Variants in COL17A1 observed in about 807,000 individuals in gnomAD.
COL17A1 encodes the protein collagen type XVII alpha 1 chain.
In COL17A1, 181 loss-of-function variants were observed where a neutral mutation model predicts 218.4. The ratio of observed to expected loss-of-function variants is 0.83; its 90% CI spans 0.73 to 0.94. The LOEUF is 0.94. Among genes scored for constraint, COL17A1 ranks in the 40% least tolerant of loss-of-function variants. COL17A1 has a pLI of 0.00. For synonymous variants in COL17A1, 721 were observed against 731.0 expected (o/e 0.99, Z 0.22); for missense variants, 1,924 against 1,945.9 (o/e 0.99, Z 0.21).
At chr10:104,047,976 T>C in intron 30 of COL17A1, 93 bp downstream of exon 30, 1 of 1,491,198 alleles carries the variant, frequency 6.7e-7, no homozygotes. Context: ...TGCTATATGC[T>C]CCTCTGCACT....
At chr10:104,080,006 A>G (rs1429475676) in intron 2 of COL17A1, among the ~76,000 whole-genome samples, 1 of 151,930 alleles carries the variant, frequency 6.6e-6, no homozygotes, top group Non-Finnish European at 1.5e-5. Flanking sequence ...CTTTCATTGT[A>G]TAGAACCTCT....
At chr10:104,038,644 G>A (rs1198017879) in intron 44 of COL17A1, 116 bp from the exon 45 acceptor site, 21 of 1,338,288 alleles carry the variant, frequency 1.6e-5, no homozygotes, top group Non-Finnish European at 2.2e-5. Flanking sequence ...GGAGAAATAG[G>A]ATAGTGGCAA....
rs2086582358 is a variant in COL17A1 at position 104,061,471 on chromosome 10, A to G, written c.913T>C (p.Tyr305His). The change falls in exon 13 of 56, where the codon TAT (tyrosine) becomes CAT (histidine). Residue 305 changes from tyrosine to histidine, a missense_variant and splice_region_variant. Transcript: ENST00000648076. ...SHGTTTTSTA[Y>H]GVKKNMPQSP... ...TGGGGCATGTTTTTCTTCACCCCAT[A>G]TGCTGCAAGAAAGGAAGCTGGGTCA... is the stretch of plus-strand genomic sequence containing the variant. 2.5e-6 allele frequency: 4 copies of G among 1,613,204 alleles called. No individual in the cohort carries two copies. Among genetic ancestry groups the G allele is most frequent in the Middle Eastern group, 1.7e-4 (1 of 5,970 alleles).
chr10:104,064,603 A>G lies in COL17A1; in HGVS notation c.608-7T>C. On this transcript the variant is annotated splice_polypyrimidine_tract_variant and splice_region_variant and intron_variant, in intron 9 of 55. Transcript: ENST00000648076. ...GCATCGTAGGTGCCTGACACTGGAA[A>G]CAGACACATGCACACACCCCAGTGA... 1 of 1,610,898 alleles carries G rather than the reference A, an allele frequency of 6.2e-7. No individual in the cohort carries two copies. The highest frequency in any genetic ancestry group is 1.1e-5 in the South Asian group (1 of 90,436).
At chr10:104,075,715 G>A (rs1283472230) in intron 5 of COL17A1, among the ~76,000 whole-genome samples, 1 of 152,190 alleles carries the variant, frequency 6.6e-6, no homozygotes, top group Admixed American at 6.5e-5. Context: ...CTGAATCTGA[G>A]TCCCTCAAAC....
chr10:104,061,620 A>G, intron 12 of COL17A1, 147 bp from the exon 13 acceptor site: 1 of 708,502 alleles, frequency 1.4e-6, no homozygotes, highest in South Asian at 1.6e-5. Context: ...GGGGACAGTA[A>G]TGAGGGTTTA....
chr10:104,035,385 A>G lies in COL17A1; in HGVS notation c.3509-12T>C. 1 of 1,613,794 alleles carries G rather than the reference A, an allele frequency of 6.2e-7. No individual in the cohort carries two copies. Among genetic ancestry groups the G allele is most frequent in the Non-Finnish European group, 8.5e-7 (1 of 1,179,758 alleles). On this transcript the variant is annotated splice_polypyrimidine_tract_variant and intron_variant, in intron 49 of 55. Transcript: ENST00000648076. ...TCTGAATTCAGACCCTGAGACACCA[A>G]GGGAGGGCACGGAGTCAGTCCTGGC... is the stretch of plus-strand genomic sequence containing the variant.
intron 9 of COL17A1, among the ~76,000 whole-genome samples, chr10:104,069,588 C>T (rs1388393214): frequency 6.6e-6 from 1 of 152,182 alleles, no homozygotes; most frequent in Non-Finnish European, 1.5e-5. Context: ...TGTCCCCTTA[C>T]AAGTTATGAT....
At chr10:104,044,265 G>C (rs1226076631) in intron 33 of COL17A1, among the ~76,000 whole-genome samples, 1 of 152,224 alleles carries the variant, frequency 6.6e-6, no homozygotes, top group Non-Finnish European at 1.5e-5. Flanking sequence ...GGGATTCCTA[G>C]AGTGCTCTGT....
At position 104,064,596 on chromosome 10, in the gene COL17A1, A is replaced by G. The variant is rs1291473991; in HGVS notation, c.608T>C (p.Val203Ala). Residue 203 changes from valine (V) to alanine (A), a missense_variant and splice_region_variant, in exon 10 of 56, where the codon GTG (valine) becomes GCG (alanine). Physicochemically the swap from Val to Ala is moderately conservative, Grantham distance 64 (BLOSUM62 0). Coordinates refer to ENST00000648076, the MANE Select transcript of COL17A1 (RefSeq NM_000494.4). Reference protein sequence around the residue: ...TKIVTASSQSVSGTYDATILD... With the variant: ...TKIVTASSQSASGTYDATILD... ...GATCGTTGCATCGTAGGTGCCTGACACTGGAAACAGACACATGCACACACC... is the reference window on the plus strand; with the variant it reads ...GATCGTTGCATCGTAGGTGCCTGACGCTGGAAACAGACACATGCACACACC... 2 of 1,612,078 alleles carry G rather than the reference A, an allele frequency of 1.2e-6. No individual in the cohort carries two copies. The highest frequency in any genetic ancestry group is 2.2e-5 in the South Asian group (2 of 90,630).
intron 2 of COL17A1, among the ~76,000 whole-genome samples, chr10:104,080,004 G>A (rs1789959730): frequency 6.6e-6 from 1 of 151,416 alleles, no homozygotes; most frequent in Non-Finnish European, 1.5e-5. Context: ...AGCTTTCATT[G>A]TATAGAACCT....
intron 25 of COL17A1, 106 bp downstream of exon 25, chr10:104,051,375 T>C: frequency 7.1e-7 from 1 of 1,416,708 alleles, no homozygotes; most frequent in Non-Finnish European, 9.8e-7. Flanking sequence ...TCTAGGAGGC[T>C]TGCTTTATAA....
chr10:104,072,816 A>G (rs2086679439), intron 7 of COL17A1, among the ~76,000 whole-genome samples: 1 of 152,106 alleles, frequency 6.6e-6, no homozygotes, highest in African/African-American at 2.4e-5. Flanking sequence ...ATGAATTTTG[A>G]AAAAAAATTT....
intron 5 of COL17A1, 119 bp from the exon 6 acceptor site, chr10:104,074,350 G>T: frequency 1.4e-6 from 2 of 1,411,114 alleles, no homozygotes; most frequent in Admixed American, 1.8e-5. Flanking sequence ...GTTTCAGGGG[G>T]GAATGAGGTA....
chr10:104,072,192 CTCTGGAAACAGGAAA>C, intron 7 of COL17A1, 113 bp from the exon 8 acceptor site: 1 of 1,497,490 alleles, frequency 6.7e-7, no homozygotes, highest in Non-Finnish European at 9.1e-7. Context: ...CATTTCTGAG[CTCTGGAAACAGGAAA>C]TCTAGGTGTG....
intron 48 of COL17A1, 93 bp downstream of exon 48, chr10:104,036,399 G>A: frequency 3.2e-6 from 5 of 1,549,010 alleles, no homozygotes; most frequent in Non-Finnish European, 4.4e-6. Flanking sequence ...GGCAGGTGGG[G>A]GTCAGTGGGG....
Position 104,040,004 on chromosome 10 carries a change from G to T in COL17A1, c.2762-5C>A, listed in dbSNP as rs2086342417. ...GTCCTCTGGGGCCTGGGGGACCTGAGGGAAAAAGGCAGAGAGCTATGAGAC... is the reference window on the plus strand; with the variant it reads ...GTCCTCTGGGGCCTGGGGGACCTGATGGAAAAAGGCAGAGAGCTATGAGAC... On this transcript the variant is annotated splice_region_variant and splice_polypyrimidine_tract_variant and intron_variant, in intron 40 of 55. Coordinates refer to ENST00000648076, the MANE Select transcript of COL17A1 (RefSeq NM_000494.4). 6.2e-7 allele frequency: 1 copy of T among 1,614,056 alleles called. No individual in the cohort carries two copies. Among genetic ancestry groups the T allele is most frequent in the Non-Finnish European group, 8.5e-7 (1 of 1,179,998 alleles).
At chr10:104,054,922 T>G in intron 20 of COL17A1, 59 bp downstream of exon 20, 4 of 1,613,328 alleles carry the variant, frequency 2.5e-6, no homozygotes, top group Non-Finnish European at 8.5e-7. Context: ...ACTTGCTGAT[T>G]GTTTGAAACA....
At chr10:104,057,951 C>T (rs186903792) in intron 16 of COL17A1, among the ~76,000 whole-genome samples, 195 bp downstream of exon 16, 1,699 of 152,278 alleles carry the variant, frequency 0.011, 25 homozygotes, top group Non-Finnish European at 0.017. Context: ...GCTCCTTCTG[C>T]GGCCACCTCT....
Sources: allele counts gnomAD v4.1 joint callset (sites outside exome capture counted in the v4.1 genomes callset), GRCh38; gene constraint gnomAD v4.1.1; transcripts MANE v1.5; gene names NCBI Gene and HGNC (gene_info 2026-07-23, HGNC 2026-07-21).